Variants in RASGRP3 observed in about 807,000 individuals in gnomAD.
RASGRP3 encodes the protein ras guanyl-releasing protein 3.
In RASGRP3, 54 loss-of-function variants were observed where a neutral mutation model predicts 82.7. The ratio of observed to expected loss-of-function variants is 0.65; its 90% confidence interval spans 0.52 to 0.82. The LOEUF (loss-of-function observed/expected upper bound fraction) is 0.82, where lower values mean the gene tolerates loss of function less well. Ranked by LOEUF, RASGRP3 falls within the 40% of genes least tolerant of loss-of-function variation. The pLI is 0.00. For missense variants in RASGRP3, 861 were observed against 828.9 expected (o/e 1.04, Z -0.48); for synonymous variants, 309 against 300.5 (o/e 1.03, Z -0.29).
rs1391921191 is a variant in RASGRP3 at position 33,541,403 on chromosome 2, G to A, written c.1279-2109G>A. Among the ~76,000 whole-genome samples, 8 of 146,418 alleles carry A rather than the reference G, an allele frequency of 5.5e-5. 1 individual carries two copies. Among genetic ancestry groups the A allele is most frequent in the Non-Finnish European group, 1.2e-4 (8 of 65,474 alleles). On this transcript the variant is annotated intron_variant, in intron 12 of 17. Coordinates refer to ENST00000403687, the MANE Select transcript of RASGRP3 (RefSeq NM_001139488.2). ...ATGTGTATCTTACGCAACTTTGTTC[G>A]ATTATTTCTTTAGGACAGATTCCTA... is the stretch of plus-strand genomic sequence containing the variant.
intron 2 of RASGRP3, among the ~76,000 whole-genome samples, chr2:33,459,835 G>T (rs1666261052): frequency 6.6e-6 from 1 of 152,118 alleles, no homozygotes; most frequent in Non-Finnish European, 1.5e-5. Flanking sequence ...GTGTTGACTG[G>T]AACAAGCAAT....
intron 10 of RASGRP3, chr2:33,530,727 A>C (rs1420667438): frequency 6.6e-6 from 1 of 151,906 alleles, no homozygotes; most frequent in Non-Finnish European, 1.5e-5. Context: ...TACAGGACAA[A>C]ATCTGTGAGG....
At chr2:33,440,357 T>G (rs1234690205) in intron 1 of RASGRP3, among the ~76,000 whole-genome samples, 2 of 152,082 alleles carry the variant, frequency 1.3e-5, no homozygotes, top group Non-Finnish European at 2.9e-5. Flanking sequence ...AAAAGTGAGG[T>G]CAGAGAGATT....
At chr2:33,516,328 A>C (rs964366509) in intron 3 of RASGRP3, among the ~76,000 whole-genome samples, 1 of 152,078 alleles carries the variant, frequency 6.6e-6, no homozygotes, top group African/African-American at 2.4e-5. Flanking sequence ...AAATGTTTGA[A>C]CCCGGGAGGT....
At chr2:33,451,154 G>A (rs564393479) in intron 2 of RASGRP3, among the ~76,000 whole-genome samples, 6 of 151,998 alleles carry the variant, frequency 3.9e-5, no homozygotes, top group South Asian at 2.1e-4. Flanking sequence ...GTGAGCCACC[G>A]TGCCCAGCTG....
chr2:33,477,076 T>TG lies in RASGRP3; in HGVS notation c.-261+369_-261+370insG, dbSNP rs200370832. ...TTCAGGTTATGAAGTAGAGACTTCA[T>TG]TGAAGTGAGTTGATGACTAGATTTG... is the stretch of plus-strand genomic sequence containing the variant. On this transcript the variant is annotated intron_variant, in intron 1 of 17. Transcript: ENST00000403687. 4.9e-3 allele frequency among the ~76,000 whole-genome samples: 742 copies of TG among 152,274 alleles called. 7 individuals carry two copies. The highest frequency in any genetic ancestry group is 0.015 in the African/African-American group (618 of 41,538).
chr2:33,515,532 G>T (rs1026080848), intron 3 of RASGRP3, among the ~76,000 whole-genome samples: 1 of 152,064 alleles, frequency 6.6e-6, no homozygotes, highest in Non-Finnish European at 1.5e-5. Context: ...ACCATTCCTA[G>T]TCTTCTTGGT....
At chr2:33,521,675 G>C (rs141310227) in intron 6 of RASGRP3, among the ~76,000 whole-genome samples, 1 of 152,142 alleles carries the variant, frequency 6.6e-6, no homozygotes, top group African/African-American at 2.4e-5. Context: ...TACTAGCCCC[G>C]ACCTTTCCTG....
chr2:33,514,234 A>C (rs1671211263), intron 2 of RASGRP3, among the ~76,000 whole-genome samples: 2 of 152,178 alleles, frequency 1.3e-5, no homozygotes, highest in African/African-American at 4.8e-5. Context: ...AGAATCTGTT[A>C]CAGTTGTTGA....
At chr2:33,540,871 AAGGT>A (rs1243557995) in intron 12 of RASGRP3, among the ~76,000 whole-genome samples, 2 of 145,976 alleles carry the variant, frequency 1.4e-5, no homozygotes, top group African/African-American at 4.9e-5. Flanking sequence ...TAAAAAAAAA[AAGGT>A]AATGTTTTCT....
At position 33,543,611 on chromosome 2, in the gene RASGRP3, G is replaced by A; in HGVS notation, c.1378G>A (p.Val460Ile). ...TTTTCCCTTCTTGGATTCCTTCTGTGTTCTGGACAAAGATCAGTAAGTTTT... is the reference window on the plus strand; with the variant it reads ...TTTTCCCTTCTTGGATTCCTTCTGTATTCTGGACAAAGATCAGTAAGTTTT... ...ANFPFLDSFC[V>I]LDKDQDGLIS... Residue 460 changes from valine (V) to isoleucine (I), a missense_variant, in exon 13 of 18, where the codon GTT (valine) becomes ATT (isoleucine). By Grantham distance (29) the Val-to-Ile change is conservative. Transcript: ENST00000403687. 1 of 1,598,024 alleles carries A rather than the reference G, an allele frequency of 6.3e-7. No individual in the cohort carries two copies. The highest frequency in any genetic ancestry group is 8.6e-7 in the Non-Finnish European group (1 of 1,166,414).
chr2:33,473,856 G>A (rs114762865), upstream of RASGRP3, among the ~76,000 whole-genome samples: 538 of 152,284 alleles, frequency 3.5e-3, 4 homozygotes, highest in African/African-American at 0.012. Context: ...CAGTTTCATG[G>A]AAGACAATTT....
intron 4 of RASGRP3, among the ~76,000 whole-genome samples, chr2:33,518,327 A>C (rs181223484): frequency 6.6e-6 from 1 of 152,324 alleles, no homozygotes; most frequent in African/African-American, 2.4e-5. Context: ...AACATAGAAA[A>C]GGTGCAGTAA....
At chr2:33,494,276 G>C (rs532209044) in intron 1 of RASGRP3, among the ~76,000 whole-genome samples, 2 of 152,198 alleles carry the variant, frequency 1.3e-5, no homozygotes, top group Admixed American at 6.5e-5. Context: ...ATCAGAAGAC[G>C]TGAATGACCA....
chr2:33,505,191 A>C (rs1558456494), intron 1 of RASGRP3, among the ~76,000 whole-genome samples: 1 of 151,942 alleles, frequency 6.6e-6, no homozygotes, highest in Non-Finnish European at 1.5e-5. Context: ...TATTATCAGC[A>C]TCAAATCCAC....
Position 33,562,940 on chromosome 2 carries a change from C to T in RASGRP3, c.*203C>T. ...TAACTAACTATGAACTATTTATTTC[C>T]TCCTCCCCTACCCCTAGTTAAGTGC... On this transcript the variant is annotated 3_prime_UTR_variant, in exon 18 of 18. Transcript: ENST00000403687. 7 of 659,980 alleles carry T rather than the reference C, an allele frequency of 1.1e-5. 1 individual carries two copies. The South Asian group carries it at 1.4e-4, about 13-fold the overall frequency. 40.9% of individuals were successfully genotyped at this position (659,980 alleles called of 1,614,324 possible).
At chr2:33,468,808 G>A (rs1666872664) in intron 2 of RASGRP3, among the ~76,000 whole-genome samples, 1 of 152,158 alleles carries the variant, frequency 6.6e-6, no homozygotes, top group Non-Finnish European at 1.5e-5. Flanking sequence ...CTTAGTATAA[G>A]TAATGCTGCG....
intron 2 of RASGRP3, among the ~76,000 whole-genome samples, chr2:33,457,691 C>T (rs368054200): frequency 6.6e-6 from 1 of 152,052 alleles, no homozygotes; most frequent in African/African-American, 2.4e-5. Context: ...TTCCCTTTCA[C>T]AAATGAGGAA....
intron 2 of RASGRP3, among the ~76,000 whole-genome samples, chr2:33,449,040 T>G (rs1665648837): frequency 6.6e-6 from 1 of 152,238 alleles, no homozygotes; most frequent in African/African-American, 2.4e-5. Context: ...AGATTAGACA[T>G]GTTTTTCAAA....
Sources: gnomAD v4.1 joint callset for allele counts (sites outside exome capture counted in the v4.1 genomes callset) on GRCh38, gnomAD v4.1.1 for gene constraint, MANE v1.5 for transcripts, NCBI Gene and HGNC (gene_info 2026-07-23, HGNC 2026-07-21) for gene names.